The following POLA1 variants were observed in gnomAD, a reference collection of about 807,000 sequenced individuals.
POLA1 encodes DNA polymerase alpha catalytic subunit.
POLA1 carries 15 observed loss-of-function variants against 124.0 expected under a neutral mutation model. The ratio of observed to expected loss-of-function variants is 0.12; its 90% CI spans 0.08 to 0.19. The LOEUF (loss-of-function observed/expected upper bound fraction) is 0.19, where lower values mean the gene tolerates loss of function less well. Ranked by LOEUF, POLA1 falls within the 10% of genes least tolerant of loss-of-function variation. POLA1 has a pLI of 1.00. For missense variants in POLA1, 886 were observed against 1,103.4 expected (o/e 0.80, Z 2.79); for synonymous variants, 408 against 389.4 (o/e 1.05, Z -0.56).
Position 24,716,375 on chromosome X carries a change from C to T in POLA1, c.539C>T (p.Thr180Ile). The part of the protein sequence containing the change: ...QDLNTETPQI[T>I]PPPVMILKKK... ...CTTTCCTTTTAGACACCTCAAATAA[C>T]TCCACCACCTGTAATGATACTGAAG... is the stretch of plus-strand genomic sequence containing the variant. The change falls in exon 7 of 37, where the codon ACT (threonine) becomes ATT (isoleucine). Residue 180 changes from threonine to isoleucine, a missense_variant. Around this residue, in one of 7 missense-constraint regions of POLA1, gnomAD observed 337 missense variants for 402.8 expected, o/e 0.84. Transcript: ENST00000379068. 1 of 1,166,562 alleles carries T rather than the reference C, an allele frequency of 8.6e-7. No individual in the cohort carries two copies.
chrX:24,724,446 T>A lies in POLA1; in HGVS notation c.1312T>A (p.Ser438Thr). The stretch of plus-strand genomic sequence containing the variant: ...AAAATATAAAATTATGAAGTTCAAG[T>A]CTAAGGTTTGTATTTGGCGATGATT... ...ATKYKIMKFK[S>T]KPVEKNYAFE... is the part of the protein sequence containing the mutation. Residue 438 changes from serine to threonine, a missense_variant, in exon 12 of 37, where the codon TCT (serine) becomes ACT (threonine). Around this residue, in one of 7 missense-constraint regions of POLA1, gnomAD observed 337 missense variants for 402.8 expected, o/e 0.84. Transcript: ENST00000379068. The A allele has an allele frequency of 1.1e-6, 1 of 902,389 alleles. No individual in the cohort carries two copies. The highest frequency in any genetic ancestry group is 1.6e-6 in the Non-Finnish European group (1 of 628,706). 74.4% of individuals were successfully genotyped at this position (902,389 alleles called of 1,213,427 possible). A position where few individuals can be genotyped will look rare whatever the true frequency, so the allele number is the denominator to read the frequency against.
chrX:24,809,377 C>G (rs2045860364), intron 26 of POLA1, among the ~76,000 whole-genome samples: 1 of 111,717 alleles, frequency 9.0e-6, no homozygotes, highest in South Asian at 3.8e-4. Context: ...CGTCTTAATT[C>G]ACTGAATGTT....
At chrX:24,794,457 T>C (rs1426045706) in intron 26 of POLA1, among the ~76,000 whole-genome samples, 1 of 112,408 alleles carries the variant, frequency 8.9e-6, no homozygotes, top group Non-Finnish European at 1.9e-5. Flanking sequence ...TGTTGTAATA[T>C]TCTCAAGCTG....
At chrX:24,746,067 A>G (rs1354663188) in intron 24 of POLA1, among the ~76,000 whole-genome samples, 1 of 111,188 alleles carries the variant, frequency 9.0e-6, no homozygotes, top group Non-Finnish European at 1.9e-5. Context: ...TTTTTAATAC[A>G]TGGCAGAAGA....
chrX:24,766,605 T>G (rs1932909341), intron 26 of POLA1, among the ~76,000 whole-genome samples: 1 of 111,824 alleles, frequency 8.9e-6, no homozygotes, highest in Non-Finnish European at 1.9e-5. Flanking sequence ...TAATTTGTTT[T>G]GGTTTAAACA....
At chrX:24,850,936 G>A (rs1260657480) in intron 34 of POLA1, among the ~76,000 whole-genome samples, 1 of 111,890 alleles carries the variant, frequency 8.9e-6, no homozygotes, top group African/African-American at 3.3e-5. Flanking sequence ...CTGGGCCAGG[G>A]CCGTGATGCC....
chrX:24,819,316 A>G lies in POLA1; in HGVS notation c.3430-2136A>G, dbSNP rs1273182314. ...AAGTAGAAAAGTTTTCTAAAATTCT[A>G]ATTTGCACTTGAAAGCTTGAATTTT... On this transcript the variant is annotated intron_variant, in intron 30 of 36. Coordinates refer to ENST00000379068, the MANE Select transcript of POLA1 (RefSeq NM_001330360.2). Among the ~76,000 whole-genome samples, 15 of 111,996 alleles carry G rather than the reference A, an allele frequency of 1.3e-4. No individual in the cohort carries two copies. In the Admixed American group the frequency reaches 1.4e-3, roughly 11 times the overall value.
intron 36 of POLA1, among the ~76,000 whole-genome samples, chrX:24,969,065 G>A (rs766520181): frequency 3.0e-4 from 33 of 110,300 alleles, no homozygotes; most frequent in African/African-American, 1.0e-3. Context: ...AAAATTAGCT[G>A]GGTGTGGTGG....
chrX:24,820,147 G>T (rs998239862), intron 30 of POLA1, among the ~76,000 whole-genome samples: 14 of 106,430 alleles, frequency 1.3e-4, no homozygotes, highest in African/African-American at 5.0e-4. Flanking sequence ...TTAAGTGAAA[G>T]TGTTTTTTTT....
At chrX:24,757,502 C>T (rs1426927374) in intron 26 of POLA1, among the ~76,000 whole-genome samples, 2 of 96,381 alleles carry the variant, frequency 2.1e-5, no homozygotes, top group South Asian at 4.8e-4. Context: ...TGCAGTGGTG[C>T]GATCTCGGCT....
chrX:24,912,078 C>T (rs1294177885), intron 35 of POLA1, among the ~76,000 whole-genome samples: 1 of 112,136 alleles, frequency 8.9e-6, no homozygotes, highest in Non-Finnish European at 1.9e-5. Context: ...CAAGTGTGGC[C>T]ATTTTATTTT....
chrX:24,905,118 G>GAAATAA (rs1330199904), intron 35 of POLA1, among the ~76,000 whole-genome samples: 2 of 109,099 alleles, frequency 1.8e-5, no homozygotes, highest in Non-Finnish European at 3.8e-5. Flanking sequence ...ATGGAGAACT[G>GAAATAA]AAATAAAAAC....
intron 36 of POLA1, among the ~76,000 whole-genome samples, chrX:24,991,504 C>T (rs2048535433): frequency 8.9e-6 from 1 of 112,573 alleles, no homozygotes; most frequent in South Asian, 3.7e-4. Flanking sequence ...TCTGCTCTTC[C>T]CCAAACTTCC....
chrX:24,821,661 T>G, intron 31 of POLA1, 78 bp downstream of exon 31: 1 of 756,210 alleles, frequency 1.3e-6, no homozygotes, highest in Non-Finnish European at 1.9e-6. Flanking sequence ...AGTGTCTTAT[T>G]TAGCATTCTC....
chrX:24,874,622 T>G (rs1368823953), intron 34 of POLA1, among the ~76,000 whole-genome samples: 1 of 111,917 alleles, frequency 8.9e-6, no homozygotes, highest in African/African-American at 3.2e-5. Flanking sequence ...AATAATAAGG[T>G]TCTCAACCTT....
rs371460244 is a variant in POLA1, at chrX:24,724,427, T to C, written c.1293T>C (p.Tyr431=). Residue 431 remains tyrosine, a synonymous_variant, in exon 12 of 37, where the codon TAT becomes TAC. Coordinates refer to ENST00000379068, the MANE Select transcript of POLA1 (RefSeq NM_001330360.2). ...EEFDEKIATK[Y]KIMKFKSKPV... ...TTGATGAGAAAATAGCAACAAAATA[T>C]AAAATTATGAAGTTCAAGTCTAAGG... 1 of 1,011,936 alleles carries C rather than the reference T, an allele frequency of 9.9e-7. No homozygotes were observed. Among genetic ancestry groups the C allele is most frequent in the Non-Finnish European group, 1.4e-6 (1 of 722,052 alleles). 83.4% of individuals were successfully genotyped at this position (1,011,936 alleles called of 1,213,427 possible).
At chrX:24,823,625 A>C (rs1473647818) in intron 31 of POLA1, among the ~76,000 whole-genome samples, 1 of 111,539 alleles carries the variant, frequency 9.0e-6, no homozygotes, top group Non-Finnish European at 1.9e-5. Context: ...TCTGGTCTCA[A>C]ACTCCTGACC....
chrX:24,899,018 C>CT (rs1376993277), intron 35 of POLA1, among the ~76,000 whole-genome samples: 1 of 111,220 alleles, frequency 9.0e-6, no homozygotes, highest in Non-Finnish European at 1.9e-5. Flanking sequence ...ATATGCCAAC[C>CT]TTTAATATTT....
chrX:24,908,772 A>C, intron 35 of POLA1, among the ~76,000 whole-genome samples: 1 of 111,584 alleles, frequency 9.0e-6, no homozygotes, highest in African/African-American at 3.3e-5. Context: ...GCTGAGTCAA[A>C]TAGTATTTCT....
Sources: allele counts gnomAD v4.1 joint callset (sites outside exome capture counted in the v4.1 genomes callset), GRCh38; gene constraint gnomAD v4.1.1; regional missense constraint gnomAD v4.1.1; transcripts MANE v1.5; gene names NCBI Gene and HGNC (gene_info 2026-07-23, HGNC 2026-07-21).